Variants in CFAP54 observed in about 807,000 individuals in gnomAD.
CFAP54 encodes the protein cilia and flagella associated protein 54.
Under a neutral mutation model 370.4 loss-of-function variants are expected in CFAP54, and 290 were observed. The ratio of observed to expected loss-of-function variants is 0.78; its 90% CI spans 0.71 to 0.86. CFAP54 has a LOEUF of 0.86. Ranked by LOEUF, CFAP54 falls within the 40% of genes least tolerant of loss-of-function variation. The pLI is 0.00. For synonymous variants in CFAP54, 1,206 were observed against 1,236.5 expected, an observed-to-expected ratio of 0.98 and a Z score of 0.52; for missense variants, 3,399 against 3,528.7, an observed-to-expected ratio of 0.96 and a Z score of 0.93.
At chr12:96,728,098 C>G (rs141731081) in intron 50 of CFAP54, among the ~76,000 whole-genome samples, 1 of 152,186 alleles carries the variant, frequency 6.6e-6, no homozygotes, top group Admixed American at 6.5e-5. Context: ...TTCTCTCTGG[C>G]TGCCCTTAAC....
At chr12:96,545,310 T>G (rs1289427815) in intron 14 of CFAP54, among the ~76,000 whole-genome samples, 1 of 152,106 alleles carries the variant, frequency 6.6e-6, no homozygotes, top group Admixed American at 6.5e-5. Flanking sequence ...AACGGGTTGA[T>G]GGGTGCAGCA....
intron 64 of CFAP54, among the ~76,000 whole-genome samples, chr12:96,816,400 A>G (rs1410939495): frequency 4.6e-5 from 7 of 152,254 alleles, no homozygotes; most frequent in Non-Finnish European, 1.0e-4. Flanking sequence ...CCATTTTTCA[A>G]TGGGTAAGTT....
intron 59 of CFAP54, 41 bp downstream of exon 59, chr12:96,764,290 A>G (rs1251993069): frequency 6.9e-7 from 1 of 1,441,782 alleles, no homozygotes; most frequent in Non-Finnish European, 9.7e-7. Flanking sequence ...TTACTGTCAT[A>G]TCTGTATTCT....
intron 15 of CFAP54, among the ~76,000 whole-genome samples, chr12:96,548,338 G>T (rs1258402955): frequency 6.6e-6 from 1 of 151,858 alleles, no homozygotes; most frequent in Non-Finnish European, 1.5e-5. Flanking sequence ...TTGTATAAAA[G>T]ATATTTATAT....
rs58264783 is a variant in CFAP54 at position 96,505,502 on chromosome 12, C to CTTT, written c.568-1410_568-1408dup. Among the ~76,000 whole-genome samples the CTTT allele has an allele frequency of 1.6e-3, 209 of 133,470 alleles. 3 individuals carry two copies. Among genetic ancestry groups the CTTT allele is most frequent in the African/African-American group, 5.6e-3 (199 of 35,674 alleles). The allele number at this position is 133,470 out of a possible 152,430, so 87.6% of individuals were successfully genotyped here. ...CTGGGTCACCCCTATAATAGCCTCA[C>CTTT]TTTTTTTTTTTTTTTTTTGAGACCG... On this transcript the variant is annotated intron_variant, in intron 3 of 67. Transcript: ENST00000524981.
rs1957383853 is a variant in CFAP54, at chr12:96,691,178, T to C, written c.6132T>C (p.Ala2044=). Residue 2044 remains alanine, a synonymous_variant, in exon 44 of 68, where the codon GCT becomes GCC. Transcript: ENST00000524981. ...ATCCCAAAGCTGAACGTTGCTATGC[T>C]CAATATGAAATCACTCAGCTTCTCC... ...LPHPKAERCY[A]QYEITQLLPG... 1 of 1,613,562 alleles carries C rather than the reference T, an allele frequency of 6.2e-7. No individual in the cohort carries two copies. Among genetic ancestry groups the C allele is most frequent in the South Asian group, 1.1e-5 (1 of 91,026 alleles).
At chr12:96,623,712 G>C in intron 27 of CFAP54, 55 bp from the exon 28 acceptor site, 2 of 832,598 alleles carry the variant, frequency 2.4e-6, no homozygotes, top group Non-Finnish European at 3.8e-6. Context: ...TGTTTGAAAA[G>C]GACAGTTGTT....
chr12:96,543,475 G>A (rs911063935), intron 14 of CFAP54, among the ~76,000 whole-genome samples: 3 of 152,174 alleles, frequency 2.0e-5, no homozygotes, highest in Non-Finnish European at 2.9e-5. Flanking sequence ...GAGACTGGGG[G>A]TAAGAAGCCA....
At chr12:96,657,401 T>G (rs549200220) in intron 36 of CFAP54, among the ~76,000 whole-genome samples, 1 of 152,222 alleles carries the variant, frequency 6.6e-6, no homozygotes, top group Non-Finnish European at 1.5e-5. Context: ...GGAACTTCAT[T>G]ATGTGTTTAT....
intron 19 of CFAP54, 139 bp from the exon 20 acceptor site, chr12:96,576,446 T>C: frequency 1.7e-6 from 1 of 583,160 alleles, no homozygotes; most frequent in South Asian, 3.4e-5. Context: ...TTGAAATATA[T>C]ATGTATATAT....
chr12:96,584,638 G>GTTTT (rs34715946), intron 22 of CFAP54, among the ~76,000 whole-genome samples: 1 of 148,202 alleles, frequency 6.7e-6, no homozygotes. Context: ...TTTGAAATAT[G>GTTTT]TTTTTTTTTT....
chr12:96,699,910 T>C, intron 45 of CFAP54, 61 bp from the exon 46 acceptor site: 1 of 1,376,660 alleles, frequency 7.3e-7, no homozygotes, highest in South Asian at 1.3e-5. Context: ...CTCTATACTT[T>C]TGTTTTCTAA....
intron 8 of CFAP54, among the ~76,000 whole-genome samples, chr12:96,526,617 C>T (rs988051685): frequency 3.9e-5 from 6 of 152,086 alleles, no homozygotes; most frequent in African/African-American, 4.8e-5. Flanking sequence ...ATATCAGTTC[C>T]GAAGGCTATA....
chr12:96,743,385 G>T lies in CFAP54; in HGVS notation c.7220-17G>T, dbSNP rs375587317. The T allele has an allele frequency of 4.4e-6, 7 of 1,608,658 alleles. No individual in the cohort carries two copies. In the East Asian group the frequency reaches 6.7e-5, roughly 15 times the overall value. ...CTTTCTCAATGCATTTTAAATAACC[G>T]CATTTGTTTATTTTAGAGGATGATA... is the stretch of plus-strand genomic sequence containing the variant. On this transcript the variant is annotated splice_polypyrimidine_tract_variant and intron_variant, in intron 52 of 67. Coordinates refer to ENST00000524981, the MANE Select transcript of CFAP54 (RefSeq NM_001306084.2).
chr12:96,777,240 G>A lies in CFAP54; in HGVS notation c.8282-7477G>A, dbSNP rs550753549. ...CATTGCACTTCAGTATGCAGCAGGAGTGTTTTTTGTGTGCTTCCCATTTTA... is the reference window on the plus strand; with the variant it reads ...CATTGCACTTCAGTATGCAGCAGGAATGTTTTTTGTGTGCTTCCCATTTTA... On this transcript the variant is annotated intron_variant, in intron 60 of 67. Coordinates refer to ENST00000524981, the MANE Select transcript of CFAP54 (RefSeq NM_001306084.2). Among the ~76,000 whole-genome samples, 38 of 152,206 alleles carry A rather than the reference G, an allele frequency of 2.5e-4. 1 individual carries two copies. In the South Asian group the frequency reaches 7.1e-3, roughly 28 times the overall value.
In CFAP54 at chr12:96,550,129, A is replaced by G. The variant is rs76337541; in HGVS notation, c.2154+2151A>G. Among the ~76,000 whole-genome samples the G allele has an allele frequency of 5.3e-5, 8 of 152,346 alleles. No homozygotes were observed. In the East Asian group the frequency reaches 1.5e-3, roughly 29 times the overall value. On this transcript the variant is annotated intron_variant, in intron 15 of 67. Transcript: ENST00000524981. ...CTATGGCAACTAAAAGATTATTAGT[A>G]AAGCATTTAGCCCTATACCTGCGAC... is the stretch of plus-strand genomic sequence containing the variant.
intron 67 of CFAP54, among the ~76,000 whole-genome samples, chr12:96,861,269 C>G (rs766719776): frequency 6.6e-6 from 1 of 152,166 alleles, no homozygotes; most frequent in Non-Finnish European, 1.5e-5. Context: ...CAGTGGTTCT[C>G]AATTGGGAGT....
chr12:96,628,463 A>T (rs1956569449), intron 30 of CFAP54, among the ~76,000 whole-genome samples: 1 of 152,136 alleles, frequency 6.6e-6, no homozygotes, highest in Non-Finnish European at 1.5e-5. Flanking sequence ...TTTCTGGAAG[A>T]ACATAACCAC....
chr12:96,682,385 TGAGACGAGGTCTCA>T, intron 40 of CFAP54: 4 of 820,996 alleles, frequency 4.9e-6, no homozygotes, highest in East Asian at 1.2e-4. Context: ...TTTTTTTTTT[TGAGACGAGGTCTCA>T]TTTTGTCATC....
Sources: allele counts gnomAD v4.1 joint callset (sites outside exome capture counted in the v4.1 genomes callset), GRCh38; gene constraint gnomAD v4.1.1; transcripts MANE v1.5; gene names NCBI Gene and HGNC (gene_info 2026-07-23, HGNC 2026-07-21).